DAPK2: variants seen among roughly 807,000 people sequenced by gnomAD.
DAPK2 encodes death-associated protein kinase 2.
DAPK2 carries 35 observed loss-of-function variants against 44.1 expected under a neutral mutation model. That is an observed-to-expected ratio of 0.79 (90% CI 0.61 to 1.05). The LOEUF is 1.05. DAPK2 is among the 50% of genes least tolerant of loss of function. The pLI is 0.00. For synonymous variants in DAPK2, 174 were observed against 182.6 expected, an observed-to-expected ratio of 0.95 and a Z score of 0.38; for missense variants, 453 against 483.2, an observed-to-expected ratio of 0.94 and a Z score of 0.59.
intron 1 of DAPK2, among the ~76,000 whole-genome samples, chr15:64,011,614 C>T (rs2079392090): frequency 6.6e-6 from 1 of 152,218 alleles, no homozygotes; most frequent in South Asian, 2.1e-4. Flanking sequence ...TGTTCTATAT[C>T]TGTGCTGTCT....
chr15:63,969,569 C>T (rs2078150950), intron 3 of DAPK2, among the ~76,000 whole-genome samples: 2 of 152,106 alleles, frequency 1.3e-5, no homozygotes, highest in African/African-American at 2.4e-5. Context: ...GGCAAGACCC[C>T]GCCTCTACAA....
intron 2 of DAPK2, among the ~76,000 whole-genome samples, chr15:63,981,766 A>G (rs1477260117): frequency 6.6e-6 from 1 of 151,908 alleles, no homozygotes; most frequent in Non-Finnish European, 1.5e-5. Context: ...GCTGACCCTC[A>G]GCTTCTCTCT....
chr15:64,012,862 A>C (rs754559076), intron 1 of DAPK2, among the ~76,000 whole-genome samples: 7 of 152,216 alleles, frequency 4.6e-5, no homozygotes, highest in Admixed American at 2.6e-4. Context: ...TTTCTTAACT[A>C]TACAAGTTAA....
intron 4 of DAPK2, among the ~76,000 whole-genome samples, chr15:63,934,260 T>G (rs2077069333): frequency 7.4e-6 from 1 of 135,002 alleles, no homozygotes; most frequent in South Asian, 2.6e-4. Context: ...TTTTTTTTTT[T>G]TTTTTTTTTT....
upstream of DAPK2, chr15:64,046,449 GC>G (rs1192107424): frequency 3.2e-5 from 7 of 217,144 alleles, no homozygotes; most frequent in Admixed American, 6.6e-5. This position sits in a 1 kb window ranked among gnomAD's most constrained non-coding sequence, Gnocchi z 5.3. Context: ...CTCCCAGAGC[GC>G]CCGGCACCCG....
intron 2 of DAPK2, 24 bp from the exon 4 acceptor site, chr15:63,971,585 G>A (rs7180050): frequency 0.39 from 629,537 of 1,610,320 alleles, 130,252 homozygotes; most frequent in Non-Finnish European, 0.43. Flanking sequence ...GCGGGGGGAG[G>A]GGAGGCCCAG....
At position 63,931,766 on chromosome 15, in the gene DAPK2, T is replaced by C. The variant is rs1432291679; in HGVS notation, c.584-1311A>G. ...GAGAGGGTGCAGAGACTAGGAGAGA[T>C]GGCTCTGCCAAGGAGAGAAGAAGAT... On this transcript the variant is annotated intron_variant, in intron 4 of 10. Transcript: ENST00000261891. Among the ~76,000 whole-genome samples the C allele has an allele frequency of 5.3e-5, 8 of 152,242 alleles. No individual in the cohort carries two copies. The East Asian group carries it at 1.5e-3, about 29-fold the overall frequency.
intron 3 of DAPK2, among the ~76,000 whole-genome samples, chr15:63,941,821 G>T (rs1323736302): frequency 2.0e-5 from 3 of 152,138 alleles, no homozygotes; most frequent in Admixed American, 6.5e-5. Flanking sequence ...ACCTGGAGAG[G>T]ATCCAGGAAA....
At chr15:63,969,880 T>C (rs1040875737) in intron 3 of DAPK2, among the ~76,000 whole-genome samples, 7 of 152,152 alleles carry the variant, frequency 4.6e-5, no homozygotes, top group African/African-American at 1.7e-4. Flanking sequence ...TGCCCTGGCA[T>C]AGCCACTGTG....
chr15:63,991,260 A>C (rs1567257724), intron 1 of DAPK2: 1 of 456,350 alleles, frequency 2.2e-6, no homozygotes, highest in Non-Finnish European at 4.4e-6. Flanking sequence ...TGGGAACTAG[A>C]TGGGCATGAC....
intron 1 of DAPK2, among the ~76,000 whole-genome samples, chr15:64,002,915 A>G (rs1284047896): frequency 1.0e-5 from 1 of 96,022 alleles, no homozygotes; most frequent in Non-Finnish European, 2.2e-5. Flanking sequence ...AGACTGAGAC[A>G]CTGTGTGTGT....
chr15:63,919,011 A>T (rs2079002547), intron 8 of DAPK2: 1 of 152,242 alleles, frequency 6.6e-6, no homozygotes, highest in Admixed American at 6.5e-5. Context: ...TGTTGTAAAA[A>T]GTCAGCTGAG....
At chr15:63,935,985 T>G (rs1456687445) in intron 4 of DAPK2, 1 of 152,242 alleles carries the variant, frequency 6.6e-6, no homozygotes, top group Non-Finnish European at 1.5e-5. Flanking sequence ...ATTCATCTGG[T>G]CATTTTTGAC....
intron 1 of DAPK2, among the ~76,000 whole-genome samples, chr15:64,039,138 C>A (rs2080289071): frequency 6.6e-6 from 1 of 152,212 alleles, no homozygotes; most frequent in African/African-American, 2.4e-5. Context: ...GGGCACAGGT[C>A]CTGAGGCTGT....
intron 1 of DAPK2, among the ~76,000 whole-genome samples, chr15:64,028,682 A>C (rs1340563847): frequency 6.6e-6 from 1 of 152,220 alleles, no homozygotes; most frequent in African/African-American, 2.4e-5. Context: ...TGAAGTATTA[A>C]GGGGTGAAGA....
In DAPK2 at chr15:64,013,753, T is replaced by G. The variant is rs1168463171; in HGVS notation, c.92+26417A>C. Among the ~76,000 whole-genome samples, 1 of 152,212 alleles carries G rather than the reference T, an allele frequency of 6.6e-6. No homozygotes were observed. Among genetic ancestry groups the G allele is most frequent in the Non-Finnish European group, 1.5e-5 (1 of 68,036 alleles). The stretch of plus-strand genomic sequence containing the variant: ...AAGCAAGCTGGATTTGAGAAATTAT[T>G]CATTCTGGAAAACTACAGTTGGCCT... On this transcript the variant is annotated intron_variant, in intron 1 of 10. Coordinates refer to ENST00000261891, the Ensembl canonical transcript of DAPK2. The surrounding 1 kb of genome is among the most constrained non-coding windows in gnomAD (Gnocchi z 4.7).
chr15:63,922,254 G>A (rs1002496048), intron 8 of DAPK2: 4 of 985,594 alleles, frequency 4.1e-6, no homozygotes, highest in African/African-American at 1.7e-5. Flanking sequence ...CAATGCAAAC[G>A]AAAGGCAATA....
intron 6 of DAPK2, among the ~76,000 whole-genome samples, chr15:63,928,991 A>G (rs535619888): frequency 2.0e-5 from 3 of 152,264 alleles, no homozygotes; most frequent in South Asian, 4.1e-4. Flanking sequence ...CCACGAGGTT[A>G]GGAGTTCAAG....
At position 63,923,157 on chromosome 15, in the gene DAPK2, G is replaced by C; in HGVS notation, c.858+1659C>G. 1.3e-6 allele frequency: 2 copies of C among 1,535,826 alleles called. No homozygotes were observed. Among genetic ancestry groups the C allele is most frequent in the Non-Finnish European group, 1.7e-6 (2 of 1,146,728 alleles). On this transcript the variant is annotated intron_variant, in intron 8 of 10. Transcript: ENST00000261891. This position sits in a 1 kb window ranked among gnomAD's most constrained non-coding sequence, Gnocchi z 4.2. ...TGGATGGTATCGTGGGCCTCCACCA[G>C]GGCACGGCATCCCAGGTCGACCCGA...
Sources: allele counts gnomAD v4.1 joint callset (sites outside exome capture counted in the v4.1 genomes callset), GRCh38; gene constraint gnomAD v4.1.1; non-coding constraint Gnocchi (gnomAD v3.1); transcripts MANE v1.5; gene names NCBI Gene and HGNC (gene_info 2026-07-23, HGNC 2026-07-21).